Variants in ERC1 observed in about 807,000 individuals in gnomAD.
The protein encoded by ERC1 is ELKS/RAB6-interacting/CAST family member 1.
In ERC1, 56 loss-of-function variants were observed where a neutral mutation model predicts 132.0. That is an observed-to-expected ratio of 0.42 (90% CI 0.34 to 0.53). The LOEUF is 0.53. Among genes scored for constraint, ERC1 ranks in the 20% least tolerant of loss-of-function variants. The pLI is 0.03. For missense variants in ERC1, 1,202 were observed against 1,349.9 expected, an observed-to-expected ratio of 0.89 and a Z score of 1.72; for synonymous variants, 478 against 476.1, an observed-to-expected ratio of 1.00 and a Z score of -0.05.
At position 1,207,351 on chromosome 12, in the gene ERC1, C is replaced by G. The variant is rs1957437996; in HGVS notation, c.2351+17299C>G. ...TATAGGCCCTAGAAAATTTCTGACC[C>G]CATAAAATCTATTTACAAGGAGTTT... On this transcript the variant is annotated intron_variant, in intron 12 of 18. Coordinates refer to ENST00000360905, the MANE Select transcript of ERC1 (RefSeq NM_178040.4). 2.0e-5 allele frequency among the ~76,000 whole-genome samples: 3 copies of G among 151,868 alleles called. No individual in the cohort carries two copies. In the South Asian group the frequency reaches 6.2e-4, roughly 31 times the overall value.
intron 1 of ERC1, among the ~76,000 whole-genome samples, chr12:999,647 CTG>C (rs1215692163): frequency 4.6e-5 from 6 of 131,504 alleles, no homozygotes; most frequent in Non-Finnish European, 7.8e-5. Context: ...GAGTTTCACT[CTG>C]TCGCCAGGCT....
intron 14 of ERC1, 91 bp downstream of exon 14, chr12:1,263,256 T>C (rs1380496483): frequency 7.6e-7 from 1 of 1,319,048 alleles, no homozygotes. Context: ...ATACATATTG[T>C]ATGTTTATAG....
intron 12 of ERC1, among the ~76,000 whole-genome samples, chr12:1,224,118 C>T (rs767683036): frequency 1.4e-4 from 21 of 152,156 alleles, no homozygotes; most frequent in Admixed American, 3.3e-4. Context: ...ATGATACTCC[C>T]TCTTATATCT....
intron 12 of ERC1, among the ~76,000 whole-genome samples, chr12:1,191,315 G>C (rs1050598744): frequency 6.6e-6 from 1 of 152,028 alleles, no homozygotes; most frequent in African/African-American, 2.4e-5. Context: ...ATGTACACAT[G>C]TGTATATACC....
intron 13 of ERC1, among the ~76,000 whole-genome samples, chr12:1,239,301 C>T (rs753881810): frequency 2.0e-5 from 3 of 152,148 alleles, no homozygotes; most frequent in Non-Finnish European, 4.4e-5. Context: ...CACGAACCTC[C>T]TGCATCAGCC....
chr12:1,333,396 G>A (rs12810240), intron 15 of ERC1, among the ~76,000 whole-genome samples: 40,092 of 146,260 alleles, frequency 0.27, 5,914 homozygotes, highest in Middle Eastern at 0.35. Context: ...GCAGTGGCGC[G>A]ACGTCGGCTC....
chr12:1,398,952 TTTTTTTTTG>T (rs1286776163), intron 16 of ERC1, among the ~76,000 whole-genome samples: 47 of 99,896 alleles, frequency 4.7e-4, no homozygotes, highest in African/African-American at 1.9e-3. Flanking sequence ...TTTTTTTTTT[TTTTTTTTTG>T]TTGAAACAAG....
intron 16 of ERC1, chr12:1,380,976 A>G (rs933820863): frequency 2.6e-5 from 4 of 152,250 alleles, no homozygotes; most frequent in Admixed American, 1.3e-4. Flanking sequence ...CACTTAGTTT[A>G]AATCCTCGAT....
intron 12 of ERC1, among the ~76,000 whole-genome samples, chr12:1,225,451 C>A (rs111728550): frequency 0.24 from 15,160 of 64,462 alleles, 984 homozygotes; most frequent in Middle Eastern, 0.35. Flanking sequence ...CTGTCTCTTA[C>A]ACACACACAC....
At chr12:1,337,532 C>T (rs1432671450) in intron 15 of ERC1, among the ~76,000 whole-genome samples, 1 of 152,026 alleles carries the variant, frequency 6.6e-6, no homozygotes, top group African/African-American at 2.4e-5. Context: ...GTATTTAGCC[C>T]ATTTACATTC....
At chr12:1,228,149 G>A (rs2074737904) in intron 12 of ERC1, among the ~76,000 whole-genome samples, 1 of 152,090 alleles carries the variant, frequency 6.6e-6, no homozygotes, top group Non-Finnish European at 1.5e-5. Context: ...ACGAAGTTTA[G>A]GATTCTTTTT....
intron 15 of ERC1, among the ~76,000 whole-genome samples, chr12:1,326,920 G>T (rs1411951781): frequency 7.3e-5 from 11 of 151,606 alleles, no homozygotes; most frequent in Non-Finnish European, 1.0e-4. Flanking sequence ...AAAAATCTGT[G>T]GATAATGTAT....
chr12:1,133,303 C>T (rs188470143), intron 7 of ERC1, among the ~76,000 whole-genome samples: 94 of 152,162 alleles, frequency 6.2e-4, no homozygotes, highest in African/African-American at 2.3e-3. Context: ...ATTTATTTTT[C>T]AAATTTCTGA....
At chr12:1,316,840 C>G (rs2081771559) in intron 15 of ERC1, among the ~76,000 whole-genome samples, 2 of 152,154 alleles carry the variant, frequency 1.3e-5, no homozygotes, top group African/African-American at 4.8e-5. Context: ...AACCAAATGC[C>G]CATCAATGAT....
At chr12:1,066,189 AT>A (rs1452110479) in intron 2 of ERC1, among the ~76,000 whole-genome samples, 2 of 152,240 alleles carry the variant, frequency 1.3e-5, no homozygotes, top group African/African-American at 2.4e-5. Context: ...TCAATACATT[AT>A]TTTTTAAAAG....
At chr12:1,438,312 T>G (rs536948996) in intron 17 of ERC1, among the ~76,000 whole-genome samples, 24 of 152,364 alleles carry the variant, frequency 1.6e-4, no homozygotes, top group African/African-American at 5.5e-4. Flanking sequence ...TTTCAGAGTT[T>G]AGCTCTCCGC....
At chr12:1,177,920 A>G (rs190622795) in intron 8 of ERC1, among the ~76,000 whole-genome samples, 1 of 152,186 alleles carries the variant, frequency 6.6e-6, no homozygotes, top group South Asian at 2.1e-4. Context: ...TTTACTGGTT[A>G]TGAGTTGACC....
chr12:1,489,395 C>A (rs1332903078), intron 18 of ERC1, among the ~76,000 whole-genome samples: 3 of 152,200 alleles, frequency 2.0e-5, no homozygotes. Flanking sequence ...CGGCCTCACT[C>A]TGCTGGGTGG....
intron 1 of ERC1, among the ~76,000 whole-genome samples, chr12:1,007,522 C>T (rs1478421198): frequency 7.4e-5 from 5 of 67,686 alleles, no homozygotes; most frequent in Non-Finnish European, 1.1e-4. Context: ...GTAATTCTCT[C>T]TCTCTCTCTC....
Sources: gnomAD v4.1 joint callset for allele counts (sites outside exome capture counted in the v4.1 genomes callset) on GRCh38, gnomAD v4.1.1 for gene constraint, MANE v1.5 for transcripts, NCBI Gene and HGNC (gene_info 2026-07-23, HGNC 2026-07-21) for gene names.